CNTN1: variants seen among roughly 807,000 people sequenced by gnomAD.
CNTN1 encodes the protein contactin-1.
In CNTN1, 38 loss-of-function variants were observed where a neutral mutation model predicts 126.4. That is an observed-to-expected ratio of 0.30 (90% CI 0.23 to 0.39). CNTN1 has a LOEUF of 0.39. CNTN1 is among the 10% of genes least tolerant of loss of function. CNTN1 has a pLI of 1.00. For synonymous variants in CNTN1, 413 were observed against 422.6 expected (o/e 0.98, Z 0.28); for missense variants, 1,009 against 1,248.4 (o/e 0.81, Z 2.89).
intron 1 of CNTN1, among the ~76,000 whole-genome samples, chr12:40,857,725 C>A (rs2136635031): frequency 6.6e-6 from 1 of 152,186 alleles, no homozygotes; most frequent in South Asian, 2.1e-4. Flanking sequence ...TCGGAAAAGT[C>A]AGTCATTGTC....
intron 1 of CNTN1, among the ~76,000 whole-genome samples, chr12:40,777,994 G>A (rs1939653652): frequency 6.6e-6 from 1 of 151,818 alleles, no homozygotes; most frequent in Non-Finnish European, 1.5e-5. Flanking sequence ...TTACGCTAAT[G>A]TAAAGGGGCA....
chr12:40,727,208 T>C (rs1047450555), intron 1 of CNTN1, among the ~76,000 whole-genome samples: 3 of 146,084 alleles, frequency 2.1e-5, no homozygotes, highest in Non-Finnish European at 3.1e-5. Flanking sequence ...AATCAAAGAC[T>C]CTAAGATTGG....
intron 1 of CNTN1, among the ~76,000 whole-genome samples, chr12:40,717,361 T>G (rs1942075712): frequency 6.6e-6 from 1 of 152,162 alleles, no homozygotes; most frequent in African/African-American, 2.4e-5. Context: ...TCCATTAAAC[T>G]CAACTAAAAT....
chr12:40,701,354 A>T (rs565770960), intron 1 of CNTN1, among the ~76,000 whole-genome samples: 1 of 152,272 alleles, frequency 6.6e-6, no homozygotes, highest in East Asian at 1.9e-4. Flanking sequence ...AAGCACCAGA[A>T]GTTTTTATGC....
At position 40,821,813 on chromosome 12, in the gene CNTN1, A is replaced by AT. The variant is rs1003475275; in HGVS notation, c.-76-86536dup. Among the ~76,000 whole-genome samples, 93 of 151,934 alleles carry AT rather than the reference A, an allele frequency of 6.1e-4. 1 individual carries two copies. Among genetic ancestry groups the AT allele is most frequent in the African/African-American group, 1.6e-3 (65 of 41,464 alleles). On this transcript the variant is annotated intron_variant, in intron 1 of 23. Transcript: ENST00000551295. The stretch of plus-strand genomic sequence containing the variant: ...AATAGAATTGGATGACATTAGAAGT[A>AT]TTTTTTTTCTCCTGGTTACCATCTT...
At chr12:40,758,231 G>C (rs1339552659) in intron 1 of CNTN1, among the ~76,000 whole-genome samples, 1 of 150,522 alleles carries the variant, frequency 6.6e-6, no homozygotes, top group Non-Finnish European at 1.5e-5. Context: ...AGCCTCTGGT[G>C]TTATGAATAT....
chr12:40,901,957 A>G (rs191210617), intron 1 of CNTN1, among the ~76,000 whole-genome samples: 39 of 152,342 alleles, frequency 2.6e-4, no homozygotes, highest in Non-Finnish European at 1.2e-4. Context: ...ACCATTAGTC[A>G]GTTAAAGGGG....
intron 1 of CNTN1, among the ~76,000 whole-genome samples, chr12:40,710,726 G>C (rs1024836296): frequency 6.6e-6 from 1 of 152,084 alleles, no homozygotes; most frequent in African/African-American, 2.4e-5. Flanking sequence ...GTACAGACTT[G>C]TAAAACAATG....
At chr12:40,720,164 T>C (rs1356242140) in intron 1 of CNTN1, among the ~76,000 whole-genome samples, 1 of 151,984 alleles carries the variant, frequency 6.6e-6, no homozygotes, top group Non-Finnish European at 1.5e-5. Flanking sequence ...TGTGGCTTTC[T>C]TAGACTTGTC....
chr12:40,943,571 A>G, intron 12 of CNTN1, 26 bp from the exon 13 acceptor site: 3 of 1,505,222 alleles, frequency 2.0e-6, no homozygotes, highest in Non-Finnish European at 2.8e-6. Context: ...CAGGTTTGTG[A>G]ATTATATATA....
chr12:40,832,073 G>A (rs1941860988), intron 1 of CNTN1, among the ~76,000 whole-genome samples: 2 of 152,070 alleles, frequency 1.3e-5, no homozygotes, highest in African/African-American at 4.8e-5. Flanking sequence ...AACAAGGTGG[G>A]GCAGGTTATT....
At chr12:40,878,235 G>A (rs1236102182) in intron 1 of CNTN1, among the ~76,000 whole-genome samples, 2 of 150,910 alleles carry the variant, frequency 1.3e-5, no homozygotes, top group African/African-American at 2.4e-5. Context: ...GACCTCAGGT[G>A]ATCGCCGGCC....
chr12:41,036,389 T>C (rs1046693165), intron 23 of CNTN1, among the ~76,000 whole-genome samples: 1 of 151,714 alleles, frequency 6.6e-6, no homozygotes, highest in African/African-American at 2.4e-5. Flanking sequence ...AAATAAAGAG[T>C]TTTTTATGGT....
At position 41,069,244 on chromosome 12, in the gene CNTN1, G is replaced by A. The variant is rs117311591; in HGVS notation, c.2981-715G>A. ...TTTAATTCACAGTGTAATATCTCAG[G>A]GCAATTGTTCTTTAGATAAAAATTG... is the stretch of plus-strand genomic sequence containing the variant. On this transcript the variant is annotated intron_variant, in intron 23 of 23. Transcript: ENST00000551295. Among the ~76,000 whole-genome samples, 478 of 151,834 alleles carry A rather than the reference G, an allele frequency of 3.1e-3. 3 individuals are homozygous for A. Among genetic ancestry groups the A allele is most frequent in the Non-Finnish European group, 4.7e-3 (318 of 67,940 alleles).
At chr12:40,975,794 A>T (rs1947656360) in intron 15 of CNTN1, among the ~76,000 whole-genome samples, 1 of 152,194 alleles carries the variant, frequency 6.6e-6, no homozygotes, top group Admixed American at 6.6e-5. Flanking sequence ...TAAGAATCAA[A>T]AAAATCAACA....
intron 1 of CNTN1, among the ~76,000 whole-genome samples, chr12:40,794,198 A>T (rs1940324391): frequency 6.6e-6 from 1 of 152,114 alleles, no homozygotes; most frequent in East Asian, 1.9e-4. Flanking sequence ...TGCCTGTAAG[A>T]GACAGCAACA....
intron 1 of CNTN1, among the ~76,000 whole-genome samples, chr12:40,768,444 C>A (rs1470110181): frequency 2.0e-5 from 3 of 152,302 alleles, no homozygotes; most frequent in Non-Finnish European, 4.4e-5. Flanking sequence ...AAATCATATC[C>A]TTTATAGAAA....
At chr12:40,695,478 T>C (rs1174135184) in intron 1 of CNTN1, among the ~76,000 whole-genome samples, 2 of 152,194 alleles carry the variant, frequency 1.3e-5, no homozygotes, top group Non-Finnish European at 2.9e-5. Context: ...AATAGACAAT[T>C]TATATTTCTG....
Position 40,733,825 on chromosome 12 carries a change from G to A in CNTN1, c.-77+41233G>A, listed in dbSNP as rs191461202. 1.8e-3 allele frequency among the ~76,000 whole-genome samples: 273 copies of A among 152,108 alleles called. 1 individual carries two copies. The highest frequency in any genetic ancestry group is 6.1e-3 in the African/African-American group (254 of 41,516). On this transcript the variant is annotated intron_variant, in intron 1 of 23. Transcript: ENST00000551295. ...CAGTCTTCAATTGATCCTCACGTTT[G>A]TCAAGAACACTGATGCTTGATTTGA...
Sources: gnomAD v4.1 joint callset for allele counts (sites outside exome capture counted in the v4.1 genomes callset) on GRCh38, gnomAD v4.1.1 for gene constraint, MANE v1.5 for transcripts, NCBI Gene and HGNC (gene_info 2026-07-23, HGNC 2026-07-21) for gene names.